SEMA6D: variants seen among roughly 807,000 people sequenced by gnomAD.
SEMA6D encodes the protein semaphorin 6D, also known as semaphorin-6D.
SEMA6D carries 35 observed loss-of-function variants against 106.6 expected under a neutral mutation model. That is an observed-to-expected ratio of 0.33 (90% CI 0.25 to 0.44). SEMA6D has a LOEUF of 0.44. Ranked by LOEUF, SEMA6D falls within the 20% of genes least tolerant of loss-of-function variation. The probability of loss-of-function intolerance (pLI) is 1.00; values close to 1 mark genes in which losing one functional copy is unlikely to be tolerated. For synonymous variants in SEMA6D, 499 were observed against 487.7 expected (o/e 1.02, Z -0.31); for missense variants, 1,185 against 1,345.9 (o/e 0.88, Z 1.87).
intron 3 of SEMA6D, among the ~76,000 whole-genome samples, chr15:47,560,356 A>C (rs1052017727): frequency 6.6e-6 from 1 of 152,106 alleles, no homozygotes; most frequent in Admixed American, 6.6e-5. Context: ...AGAGAATTTC[A>C]ATGAAGGGAG....
At chr15:47,624,011 C>G (rs746473093) in intron 4 of SEMA6D, among the ~76,000 whole-genome samples, 11 of 152,188 alleles carry the variant, frequency 7.2e-5, no homozygotes, top group Non-Finnish European at 1.3e-4. Context: ...TCCCCGTGAG[C>G]TGGCCCTGCC....
intron 4 of SEMA6D, among the ~76,000 whole-genome samples, chr15:47,688,386 A>G (rs946356250): frequency 6.6e-6 from 1 of 152,324 alleles, no homozygotes; most frequent in South Asian, 2.1e-4. Flanking sequence ...TAAAGCATGA[A>G]TGTTCAATCT....
At chr15:47,398,184 G>C (rs541772072) in intron 1 of SEMA6D, among the ~76,000 whole-genome samples, 10 of 152,174 alleles carry the variant, frequency 6.6e-5, no homozygotes, top group Non-Finnish European at 1.5e-4. Context: ...CAGAACTCAG[G>C]AAGTGTTCTC....
intron 1 of SEMA6D, among the ~76,000 whole-genome samples, chr15:47,264,114 G>T (rs189513059): frequency 6.6e-6 from 1 of 151,902 alleles, no homozygotes; most frequent in Non-Finnish European, 1.5e-5. Context: ...CAAATACTGC[G>T]TGTTCTCACT....
In SEMA6D at chr15:47,764,868, C is replaced by T. The variant is rs202156128; in HGVS notation, c.1254-15C>T. 88 of 1,613,678 alleles carry T rather than the reference C, an allele frequency of 5.5e-5. No homozygotes were observed. The African/African-American group carries it at 8.0e-4, about 15-fold the overall frequency. On this transcript the variant is annotated splice_polypyrimidine_tract_variant and intron_variant, in intron 12 of 18. Transcript: ENST00000536845. The stretch of plus-strand genomic sequence containing the variant: ...GTTGGCCTCCCCTTCTGATCTGTGC[C>T]GCCTCCTCTTGTAGGTACAGACTGA...
intron 1 of SEMA6D, among the ~76,000 whole-genome samples, chr15:47,239,326 A>G (rs1332373852): frequency 6.6e-6 from 1 of 152,176 alleles, no homozygotes; most frequent in Non-Finnish European, 1.5e-5. Context: ...TAATTATTTC[A>G]TTATATATTA....
intron 1 of SEMA6D, among the ~76,000 whole-genome samples, chr15:47,241,917 C>A (rs2032936099): frequency 6.6e-6 from 1 of 152,032 alleles, no homozygotes; most frequent in African/African-American, 2.4e-5. Flanking sequence ...GGCCCTTGTC[C>A]TTTGAGTTTC....
intron 3 of SEMA6D, among the ~76,000 whole-genome samples, chr15:47,565,339 T>C (rs1348565731): frequency 6.6e-6 from 1 of 152,006 alleles, no homozygotes; most frequent in East Asian, 1.9e-4. Context: ...GCACAGCGGG[T>C]CTGAGTGAGT....
chr15:47,202,430 A>T (rs1389896195), intron 1 of SEMA6D, among the ~76,000 whole-genome samples: 2 of 152,012 alleles, frequency 1.3e-5, no homozygotes, highest in African/African-American at 4.8e-5. Context: ...TCGATTGGTA[A>T]GGGAAGAATG....
chr15:47,235,012 GT>G (rs1340013090), intron 1 of SEMA6D, among the ~76,000 whole-genome samples: 1 of 151,868 alleles, frequency 6.6e-6, no homozygotes, highest in Non-Finnish European at 1.5e-5. Context: ...AACATCTACT[GT>G]TTTTTGACTT....
At chr15:47,736,056 G>A (rs992228707) in intron 1 of SEMA6D, among the ~76,000 whole-genome samples, 3 of 151,962 alleles carry the variant, frequency 2.0e-5, no homozygotes, top group Admixed American at 6.6e-5. Context: ...TCCAGTTTGT[G>A]GGGTTTGTTT....
chr15:47,502,247 G>A (rs758207477), intron 3 of SEMA6D, among the ~76,000 whole-genome samples: 28 of 152,136 alleles, frequency 1.8e-4, no homozygotes, highest in Admixed American at 7.9e-4. Context: ...TTAGATCGTC[G>A]CACTGCATGG....
intron 3 of SEMA6D, chr15:47,581,220 G>T (rs1177861202): frequency 2.6e-6 from 1 of 387,650 alleles, no homozygotes; most frequent in Non-Finnish European, 5.0e-6. Context: ...TTCCCGTAAC[G>T]TGTCCCTGAT....
chr15:47,334,159 A>T (rs181494239), intron 1 of SEMA6D, among the ~76,000 whole-genome samples: 58 of 152,312 alleles, frequency 3.8e-4, no homozygotes, highest in African/African-American at 1.3e-3. Context: ...ATAGCTGAAC[A>T]TGTGGAGGTT....
At chr15:47,459,854 A>G (rs1487287764) in intron 2 of SEMA6D, among the ~76,000 whole-genome samples, 1 of 152,018 alleles carries the variant, frequency 6.6e-6, no homozygotes, top group Non-Finnish European at 1.5e-5. Flanking sequence ...GGAGTAGTGC[A>G]GAGTGTTTAA....
chr15:47,188,929 G>A (rs986052034), intron 1 of SEMA6D, among the ~76,000 whole-genome samples: 1 of 152,108 alleles, frequency 6.6e-6, no homozygotes, highest in African/African-American at 2.4e-5. Flanking sequence ...GTCAACATGT[G>A]CATACATCTG....
intron 3 of SEMA6D, among the ~76,000 whole-genome samples, chr15:47,560,912 C>A (rs1167731738): frequency 6.6e-6 from 1 of 152,042 alleles, no homozygotes; most frequent in Middle Eastern, 3.2e-3. Flanking sequence ...GGAGCAGATT[C>A]TTCCCACATC....
At chr15:47,231,236 T>A (rs1195803420) in intron 1 of SEMA6D, among the ~76,000 whole-genome samples, 1 of 151,958 alleles carries the variant, frequency 6.6e-6, no homozygotes, top group African/African-American at 2.4e-5. Context: ...TCTCATCCTG[T>A]CTGTCACTCA....
At chr15:47,223,069 A>G (rs1275494826) in intron 1 of SEMA6D, among the ~76,000 whole-genome samples, 3 of 152,202 alleles carry the variant, frequency 2.0e-5, no homozygotes, top group African/African-American at 4.8e-5. Context: ...CCCAGGTTCC[A>G]TCTTATACTC....
Sources: gnomAD v4.1 joint callset for allele counts (sites outside exome capture counted in the v4.1 genomes callset) on GRCh38, gnomAD v4.1.1 for gene constraint, MANE v1.5 for transcripts, NCBI Gene and HGNC (gene_info 2026-07-23, HGNC 2026-07-21) for gene names.